RPS6KA2: variants seen among roughly 807,000 people sequenced by gnomAD.
The protein encoded by RPS6KA2 is ribosomal protein S6 kinase alpha-2.
Under a neutral mutation model 91.8 loss-of-function variants are expected in RPS6KA2, and 42 were observed. The observed-to-expected ratio is 0.46, with a 90% CI of 0.36 to 0.59. The LOEUF is 0.59. Among genes scored for constraint, RPS6KA2 ranks in the 20% least tolerant of loss-of-function variants. RPS6KA2 has a pLI of 0.00. For missense variants in RPS6KA2, 798 were observed against 978.5 expected (o/e 0.82, Z 2.46); for synonymous variants, 414 against 393.6 (o/e 1.05, Z -0.61).
In RPS6KA2 at chr6:166,662,229, A is replaced by G. The variant is rs1788182021; in HGVS notation, c.124-123445T>C. 6.6e-6 allele frequency among the ~76,000 whole-genome samples: 1 copy of G among 152,178 alleles called. No individual in the cohort carries two copies. The highest frequency in any genetic ancestry group is 1.5e-5 in the Non-Finnish European group (1 of 68,030). The stretch of plus-strand genomic sequence containing the variant: ...AGGTGTTGAATTCTCTGCTTCATGT[A>G]CCTTTAATTCACTGGTATTCTTTTT... On this transcript the variant is annotated intron_variant, in intron 2 of 21. Transcript: ENST00000503859. This position sits in a 1 kb window ranked among gnomAD's most constrained non-coding sequence, Gnocchi z 4.3.
chr6:166,566,302 C>T (rs896163043), intron 1 of RPS6KA2, among the ~76,000 whole-genome samples: 2 of 152,196 alleles, frequency 1.3e-5, no homozygotes, highest in African/African-American at 4.8e-5. Context: ...CCTGGAAATC[C>T]CAGGCTGCTC....
At chr6:166,783,500 G>T (rs935927142) in intron 2 of RPS6KA2, among the ~76,000 whole-genome samples, 1 of 152,018 alleles carries the variant, frequency 6.6e-6, no homozygotes, top group East Asian at 1.9e-4. Context: ...AAAGCAAATT[G>T]CTGTCTCTCT....
Position 166,529,970 on chromosome 6 carries a change from T to C in RPS6KA2, c.298+1262A>G, listed in dbSNP as rs531269381. Among the ~76,000 whole-genome samples, 3 of 152,370 alleles carry C rather than the reference T, an allele frequency of 2.0e-5. No homozygotes were observed. In the South Asian group the frequency reaches 6.2e-4, roughly 32 times the overall value. On this transcript the variant is annotated intron_variant, in intron 3 of 20. Transcript: ENST00000265678. ...TTCTAACTCACTTGGAAGAGCTCTTTTCCTCCTTTGTATACTTAAGTGGTT... is the reference window on the plus strand; with the variant it reads ...TTCTAACTCACTTGGAAGAGCTCTTCTCCTCCTTTGTATACTTAAGTGGTT...
intron 3 of RPS6KA2, among the ~76,000 whole-genome samples, chr6:166,517,455 GTTTTTTTT>G (rs71032809): frequency 6.7e-5 from 7 of 104,968 alleles, no homozygotes; most frequent in African/African-American, 3.1e-4. Flanking sequence ...CTTTTGTTTT[GTTTTTTTT>G]TTTTTTTTTT....
At chr6:166,467,403 A>G (rs1780581942) in intron 11 of RPS6KA2, among the ~76,000 whole-genome samples, 1 of 152,206 alleles carries the variant, frequency 6.6e-6, no homozygotes, top group East Asian at 1.9e-4. Flanking sequence ...TCAGAAACAC[A>G]TGGTATTTTG....
intron 2 of RPS6KA2, among the ~76,000 whole-genome samples, chr6:166,687,705 C>A (rs1224923250): frequency 2.0e-5 from 3 of 152,234 alleles, no homozygotes; most frequent in African/African-American, 7.2e-5. Context: ...GAAGAGCAAA[C>A]AGAACGTTCA....
intron 10 of RPS6KA2, among the ~76,000 whole-genome samples, chr6:166,471,455 C>T (rs1780766426): frequency 6.6e-6 from 1 of 152,212 alleles, no homozygotes; most frequent in Admixed American, 6.5e-5. Context: ...TTGGCCAGGG[C>T]CATGGTGCTA....
At chr6:166,724,051 A>C (rs564302590) in intron 2 of RPS6KA2, among the ~76,000 whole-genome samples, 1 of 152,294 alleles carries the variant, frequency 6.6e-6, no homozygotes, top group African/African-American at 2.4e-5. Context: ...TGGACACTTA[A>C]AAGGTAAGTA....
At chr6:166,775,753 G>A (rs1190680848) in intron 2 of RPS6KA2, among the ~76,000 whole-genome samples, 1 of 152,242 alleles carries the variant, frequency 6.6e-6, no homozygotes, top group Non-Finnish European at 1.5e-5. Context: ...AAAGCGCGGT[G>A]GAAACACACA....
chr6:166,473,142 C>A (rs1780834753), intron 10 of RPS6KA2, among the ~76,000 whole-genome samples: 1 of 152,140 alleles, frequency 6.6e-6, no homozygotes, highest in Non-Finnish European at 1.5e-5. Flanking sequence ...ATTTTGCAAC[C>A]AGTTGGAACT....
chr6:166,719,505 T>C (rs930671529), intron 2 of RPS6KA2, among the ~76,000 whole-genome samples: 35 of 152,234 alleles, frequency 2.3e-4, no homozygotes, highest in African/African-American at 8.2e-4. Context: ...CAATCTCTCC[T>C]TCTCTGCCAT....
At chr6:166,808,846 T>C (rs1237684308) in intron 2 of RPS6KA2, among the ~76,000 whole-genome samples, 1 of 152,230 alleles carries the variant, frequency 6.6e-6, no homozygotes, top group Non-Finnish European at 1.5e-5. Flanking sequence ...TCTAGCTGGA[T>C]GTTGAGACAT....
chr6:166,617,879 C>T (rs985297393), intron 1 of RPS6KA2, among the ~76,000 whole-genome samples: 7 of 152,242 alleles, frequency 4.6e-5, no homozygotes, highest in African/African-American at 1.7e-4. Flanking sequence ...TCCTTCTGCA[C>T]AAGCTTCACC....
intron 13 of RPS6KA2, 49 bp downstream of exon 13, chr6:166,451,054 C>G (rs750151296): frequency 1.9e-6 from 3 of 1,608,862 alleles, no homozygotes; most frequent in South Asian, 1.1e-5. Flanking sequence ...AGTCACCCAT[C>G]ATCCAAGTGC....
At chr6:166,633,579 G>A (rs779979561) in intron 2 of RPS6KA2, among the ~76,000 whole-genome samples, 11 of 152,172 alleles carry the variant, frequency 7.2e-5, no homozygotes, top group African/African-American at 1.7e-4. Flanking sequence ...CAAGGCATTC[G>A]TTATTCACTC....
Position 166,626,784 on chromosome 6 carries a change from C to A in RPS6KA2, c.99+137G>T, listed in dbSNP as rs537440755. The A allele has an allele frequency of 1.3e-5, 9 of 676,410 alleles. No individual in the cohort carries two copies. The highest frequency in any genetic ancestry group is 7.2e-5 in the East Asian group (2 of 27,792). 41.9% of individuals were successfully genotyped at this position (676,410 alleles called of 1,614,324 possible). A position where few individuals can be genotyped will look rare whatever the true frequency, so the allele number is the denominator to read the frequency against. On this transcript the variant is annotated intron_variant, in intron 1 of 20. Coordinates refer to ENST00000265678, the MANE Select transcript of RPS6KA2 (RefSeq NM_021135.6). This position sits in a 1 kb window ranked among gnomAD's most constrained non-coding sequence, Gnocchi z 4.1. ...GTTTGGAGCCGTTTGGTTCGATTTT[C>A]GGAACCGGACCAGCTTTCCAGTAAC... is the stretch of plus-strand genomic sequence containing the variant.
rs116946793 is a variant in RPS6KA2, at chr6:166,500,684, C to T, written c.604+203G>A. On this transcript the variant is annotated intron_variant, in intron 7 of 20. Transcript: ENST00000265678. The surrounding 1 kb of genome is among the most constrained non-coding windows in gnomAD (Gnocchi z 4.3). ...GGGGAGAGGGAAAAGAAGGGGCCAC[C>T]GGGAAGCTGCATGGGTCTGGACGTT... is the stretch of plus-strand genomic sequence containing the variant. Among the ~76,000 whole-genome samples, 100 of 152,248 alleles carry T rather than the reference C, an allele frequency of 6.6e-4. 4 individuals are homozygous for T. The East Asian group carries it at 0.018, about 27-fold the overall frequency.
chr6:166,765,322 G>C (rs1259235229), intron 2 of RPS6KA2, among the ~76,000 whole-genome samples: 1 of 152,202 alleles, frequency 6.6e-6, no homozygotes, highest in Non-Finnish European at 1.5e-5. Flanking sequence ...CGGCCCTCAA[G>C]TAGAGGATGC....
intron 2 of RPS6KA2, among the ~76,000 whole-genome samples, chr6:166,663,254 GAA>G (rs1212357841): frequency 6.6e-6 from 1 of 152,194 alleles, no homozygotes; most frequent in Non-Finnish European, 1.5e-5. Flanking sequence ...AGGCAAGGAT[GAA>G]AATCTTCACT....
Sources: gnomAD v4.1 joint callset for allele counts (sites outside exome capture counted in the v4.1 genomes callset) on GRCh38, gnomAD v4.1.1 for gene constraint, Gnocchi (gnomAD v3.1) non-coding constraint, MANE v1.5 for transcripts, NCBI Gene and HGNC (gene_info 2026-07-23, HGNC 2026-07-21) for gene names.